ADGRB3: variants seen among roughly 807,000 people sequenced by gnomAD.
ADGRB3 encodes the protein adhesion G protein-coupled receptor B3, also known as brain-specific angiogenesis inhibitor 3.
In ADGRB3, 37 loss-of-function variants were observed where a neutral mutation model predicts 193.4. That is an observed-to-expected ratio of 0.19 (90% CI 0.15 to 0.25). ADGRB3 has a LOEUF of 0.25. Among genes scored for constraint, ADGRB3 ranks in the 10% least tolerant of loss-of-function variants. The probability of loss-of-function intolerance (pLI) is 1.00; values close to 1 mark genes in which losing one functional copy is unlikely to be tolerated. For synonymous variants in ADGRB3, 690 were observed against 644.2 expected (o/e 1.07, Z -1.08); for missense variants, 1,637 against 1,852.9 (o/e 0.88, Z 2.14).
intron 12 of ADGRB3, among the ~76,000 whole-genome samples, chr6:69,016,838 G>T (rs1770105995): frequency 6.6e-6 from 1 of 151,756 alleles, no homozygotes; most frequent in African/African-American, 2.4e-5. Flanking sequence ...TTGAGGGAGG[G>T]AGAGACTCTT....
intron 20 of ADGRB3, among the ~76,000 whole-genome samples, chr6:69,241,115 T>A (rs1195353592): frequency 6.6e-6 from 1 of 151,962 alleles, no homozygotes; most frequent in East Asian, 1.9e-4. Flanking sequence ...TTTGATAAGT[T>A]CTGAGCCAAA....
intron 20 of ADGRB3, among the ~76,000 whole-genome samples, chr6:69,291,259 CATT>C (rs1767660319): frequency 6.6e-6 from 1 of 152,004 alleles, no homozygotes; most frequent in African/African-American, 2.4e-5. Context: ...TTATTATCAT[CATT>C]ATTATTAAGC....
At chr6:68,865,935 C>G (rs535999304) in intron 3 of ADGRB3, among the ~76,000 whole-genome samples, 25 of 152,246 alleles carry the variant, frequency 1.6e-4, no homozygotes, top group Non-Finnish European at 3.1e-4. Context: ...AAAATTTTCA[C>G]AAGACATATG....
At chr6:68,772,973 A>T (rs1766669120) in intron 3 of ADGRB3, among the ~76,000 whole-genome samples, 1 of 145,818 alleles carries the variant, frequency 6.9e-6, no homozygotes, top group African/African-American at 2.5e-5. Flanking sequence ...TAAAATAGAC[A>T]GGCATGGTAG....
chr6:69,036,036 A>G (rs1770860179), intron 13 of ADGRB3, among the ~76,000 whole-genome samples: 1 of 152,146 alleles, frequency 6.6e-6, no homozygotes, highest in Admixed American at 6.6e-5. Flanking sequence ...ACAGTTTAGT[A>G]TTAGGTCTGG....
chr6:68,707,168 A>G (rs552007347), intron 3 of ADGRB3, among the ~76,000 whole-genome samples: 1 of 151,890 alleles, frequency 6.6e-6, no homozygotes, highest in South Asian at 2.1e-4. Flanking sequence ...CAATGACTAT[A>G]TCAGTGACAA....
rs559555562 is a variant in ADGRB3 at position 69,106,368 on chromosome 6, C to T, written c.2480+30330C>T. Reference sequence around the variant, plus strand: ...AAGGAGTACAAGCTGTTTAATTAAACGGTGGTGTATGACAGGTCTAGGTTG... The same window carrying T: ...AAGGAGTACAAGCTGTTTAATTAAATGGTGGTGTATGACAGGTCTAGGTTG... On this transcript the variant is annotated intron_variant, in intron 17 of 31. Coordinates refer to ENST00000370598, the MANE Select transcript of ADGRB3 (RefSeq NM_001704.3). Among the ~76,000 whole-genome samples, 1,207 of 152,128 alleles carry T rather than the reference C, an allele frequency of 7.9e-3. 10 individuals carry two copies. Among genetic ancestry groups the T allele is most frequent in the Non-Finnish European group, 0.014 (969 of 68,002 alleles).
At chr6:68,991,777 C>T (rs914121200) in intron 10 of ADGRB3, among the ~76,000 whole-genome samples, 5 of 152,204 alleles carry the variant, frequency 3.3e-5, no homozygotes, top group African/African-American at 9.6e-5. Context: ...TTATCTTAGG[C>T]TTGTGTGGGT....
chr6:68,851,450 ATTTAATC>A (rs1467277636), intron 3 of ADGRB3, among the ~76,000 whole-genome samples: 3 of 151,922 alleles, frequency 2.0e-5, no homozygotes, highest in Non-Finnish European at 4.4e-5. Flanking sequence ...AGAAGTAACT[ATTTAATC>A]TTTAAAGTTC....
At chr6:68,673,352 A>G (rs969213255) in intron 3 of ADGRB3, among the ~76,000 whole-genome samples, 3 of 152,058 alleles carry the variant, frequency 2.0e-5, no homozygotes, top group African/African-American at 7.2e-5. Flanking sequence ...TTTAATTACT[A>G]TTGCCATTTA....
intron 20 of ADGRB3, among the ~76,000 whole-genome samples, chr6:69,296,778 G>A (rs563770470): frequency 1.6e-4 from 24 of 152,084 alleles, no homozygotes; most frequent in Admixed American, 5.9e-4. Context: ...ATAGTTCATA[G>A]AGCTCTCAGC....
At chr6:69,086,964 G>A (rs188356264) in intron 17 of ADGRB3, among the ~76,000 whole-genome samples, 22 of 152,180 alleles carry the variant, frequency 1.4e-4, no homozygotes, top group Admixed American at 1.2e-3. Context: ...AGGCTTTTTT[G>A]TTAGAAACGT....
At chr6:69,075,752 A>T (rs1772209576) in intron 16 of ADGRB3, among the ~76,000 whole-genome samples, 2 of 152,192 alleles carry the variant, frequency 1.3e-5, no homozygotes, top group South Asian at 4.1e-4. Flanking sequence ...ACTTCCAGCA[A>T]AACTAAATAC....
intron 17 of ADGRB3, among the ~76,000 whole-genome samples, chr6:69,115,125 A>G (rs1003635119): frequency 9.9e-5 from 15 of 152,194 alleles, no homozygotes; most frequent in Admixed American, 3.3e-4. Flanking sequence ...AAGTCATTCT[A>G]CTATAAAGAC....
intron 20 of ADGRB3, among the ~76,000 whole-genome samples, chr6:69,293,609 G>A (rs1484133540): frequency 6.6e-6 from 1 of 152,142 alleles, no homozygotes; most frequent in Non-Finnish European, 1.5e-5. Flanking sequence ...TCTCTAAAGA[G>A]TCTTGACTGC....
chr6:69,318,609 C>A (rs890601649), intron 20 of ADGRB3, among the ~76,000 whole-genome samples: 2 of 151,202 alleles, frequency 1.3e-5, no homozygotes, highest in Non-Finnish European at 3.0e-5. Context: ...CTCTTTGACC[C>A]GGAAATGGTA....
intron 3 of ADGRB3, among the ~76,000 whole-genome samples, chr6:68,722,877 C>A (rs570343402): frequency 6.6e-6 from 1 of 151,082 alleles, no homozygotes; most frequent in Non-Finnish European, 1.5e-5. Flanking sequence ...ATGAAGAGAA[C>A]AAGCAAACAA....
At chr6:69,361,661 A>G (rs1769455254) in intron 29 of ADGRB3, 149 bp downstream of exon 29, 2 of 928,592 alleles carry the variant, frequency 2.2e-6, no homozygotes, top group African/African-American at 1.7e-5. Flanking sequence ...TATCATGAAA[A>G]TTTCTGGCTA....
intron 3 of ADGRB3, among the ~76,000 whole-genome samples, chr6:68,923,789 G>T (rs1236588360): frequency 6.6e-6 from 1 of 151,906 alleles, no homozygotes; most frequent in Admixed American, 6.6e-5. Context: ...AGAAAGTTTG[G>T]CAGAAAAGCA....
Sources: allele counts gnomAD v4.1 joint callset (sites outside exome capture counted in the v4.1 genomes callset), GRCh38; gene constraint gnomAD v4.1.1; transcripts MANE v1.5; gene names NCBI Gene and HGNC (gene_info 2026-07-23, HGNC 2026-07-21).